Variants in SLC8A1 observed in about 807,000 individuals in gnomAD.
SLC8A1 encodes solute carrier family 8 member A1.
Under a neutral mutation model 68.3 loss-of-function variants are expected in SLC8A1, and 18 were observed. The observed-to-expected ratio is 0.26, with a 90% CI of 0.18 to 0.39. The LOEUF (loss-of-function observed/expected upper bound fraction) is 0.39, where lower values mean the gene tolerates loss of function less well. Ranked by LOEUF, SLC8A1 falls within the 10% of genes least tolerant of loss-of-function variation. The pLI is 1.00. For missense variants in SLC8A1, 985 were observed against 1,156.7 expected (o/e 0.85, Z 2.15); for synonymous variants, 475 against 415.5 (o/e 1.14, Z -1.74).
intron 1 of SLC8A1, among the ~76,000 whole-genome samples, chr2:40,434,010 CT>C (rs1349925805): frequency 1.3e-5 from 2 of 152,178 alleles, no homozygotes; most frequent in East Asian, 3.9e-4. Context: ...TCAATCTGGT[CT>C]TTTAGCAATT....
intron 7 of SLC8A1, among the ~76,000 whole-genome samples, chr2:40,119,997 C>T (rs2036415907): frequency 6.6e-6 from 1 of 152,188 alleles, no homozygotes; most frequent in African/African-American, 2.4e-5. Flanking sequence ...ATCTGGTCAA[C>T]ATGCAAAAAT....
chr2:40,120,431 T>A (rs1338081389), intron 7 of SLC8A1, among the ~76,000 whole-genome samples: 1 of 152,234 alleles, frequency 6.6e-6, no homozygotes, highest in African/African-American at 2.4e-5. Context: ...GACTCTCGGC[T>A]CTTCCAACTG....
chr2:40,376,440 C>T (rs1679885421), intron 2 of SLC8A1, among the ~76,000 whole-genome samples: 1 of 152,096 alleles, frequency 6.6e-6, no homozygotes, highest in African/African-American at 2.4e-5. Flanking sequence ...GAACCTTCCA[C>T]ATTTGTTTAC....
intron 2 of SLC8A1, among the ~76,000 whole-genome samples, chr2:40,207,395 A>G (rs1053804842): frequency 1.3e-5 from 2 of 152,040 alleles, no homozygotes; most frequent in Non-Finnish European, 2.9e-5. Context: ...CTGAATGGCA[A>G]TATATTGGAT....
chr2:40,323,555 G>A (rs143666110), intron 2 of SLC8A1, among the ~76,000 whole-genome samples: 32 of 151,948 alleles, frequency 2.1e-4, no homozygotes, highest in African/African-American at 6.8e-4. Context: ...CACTCATTCC[G>A]TAAATATTTG....
intron 2 of SLC8A1, among the ~76,000 whole-genome samples, chr2:40,377,905 T>G (rs1575842218): frequency 1.3e-5 from 2 of 152,272 alleles, no homozygotes; most frequent in East Asian, 3.9e-4. Context: ...CAAAATGTTT[T>G]TATTTCACCC....
At chr2:40,259,054 G>A (rs2064336851) in intron 2 of SLC8A1, among the ~76,000 whole-genome samples, 1 of 152,100 alleles carries the variant, frequency 6.6e-6, no homozygotes, top group Non-Finnish European at 1.5e-5. Context: ...CAGTGAGACA[G>A]GTGTGAGGGT....
chr2:40,499,270 C>A (rs77832793), intron 1 of SLC8A1, among the ~76,000 whole-genome samples: 3,583 of 152,146 alleles, frequency 0.024, 49 homozygotes, highest in Middle Eastern at 0.054. Flanking sequence ...ACTTTTCTAG[C>A]TCTACTGTAA....
exon 8 of SLC8A1, chr2:40,099,509 A>G (rs2033771236): frequency 6.6e-6 from 1 of 152,088 alleles, no homozygotes; most frequent in African/African-American, 2.4e-5. Flanking sequence ...TCATTTTTCA[A>G]GGTAACATCT....
At chr2:40,398,684 T>G (rs547132881) in intron 2 of SLC8A1, among the ~76,000 whole-genome samples, 5 of 152,348 alleles carry the variant, frequency 3.3e-5, no homozygotes, top group African/African-American at 1.2e-4. Context: ...TAATTATTCA[T>G]TTGAAACATT....
intron 1 of SLC8A1, among the ~76,000 whole-genome samples, chr2:40,463,833 C>CAT (rs1703481002): frequency 8.0e-5 from 9 of 112,040 alleles, no homozygotes; most frequent in African/African-American, 2.9e-4. Context: ...CATACACACA[C>CAT]ACACATACAC....
intron 2 of SLC8A1, among the ~76,000 whole-genome samples, chr2:40,193,607 A>G (rs2052328171): frequency 6.6e-6 from 1 of 152,110 alleles, no homozygotes; most frequent in Admixed American, 6.6e-5. Flanking sequence ...GTCAAGAAAG[A>G]GAGCTTGGAG....
chr2:40,284,200 T>C (rs1392223024), intron 2 of SLC8A1, among the ~76,000 whole-genome samples: 1 of 151,640 alleles, frequency 6.6e-6, no homozygotes, highest in Non-Finnish European at 1.5e-5. Flanking sequence ...TCTATACCAA[T>C]ATATCTCTAT....
chr2:40,233,234 A>G (rs1040383629), intron 2 of SLC8A1, among the ~76,000 whole-genome samples: 1 of 152,102 alleles, frequency 6.6e-6, no homozygotes, highest in Non-Finnish European at 1.5e-5. Context: ...AAGTGTTCCT[A>G]TTTCTCCACA....
chr2:40,334,252 A>G (rs1181161016), intron 2 of SLC8A1, among the ~76,000 whole-genome samples: 1 of 152,162 alleles, frequency 6.6e-6, no homozygotes, highest in Non-Finnish European at 1.5e-5. Flanking sequence ...GTCCAATGTG[A>G]TGTTATCAAT....
intron 2 of SLC8A1, among the ~76,000 whole-genome samples, chr2:40,337,519 G>T (rs1487891411): frequency 6.6e-6 from 1 of 152,170 alleles, no homozygotes; most frequent in Non-Finnish European, 1.5e-5. Flanking sequence ...ACTCAGCAAT[G>T]CAATGGTAGT....
chr2:40,341,991 C>A (rs17025840), intron 2 of SLC8A1, among the ~76,000 whole-genome samples: 3,769 of 152,190 alleles, frequency 0.025, 66 homozygotes, highest in Non-Finnish European at 0.036. Context: ...GGTAGCATGA[C>A]CTTTCAGCAT....
At chr2:40,250,971 A>T (rs2062651621) in intron 2 of SLC8A1, 1 of 152,176 alleles carries the variant, frequency 6.6e-6, no homozygotes, top group Non-Finnish European at 1.5e-5. Context: ...CAGCTATCAA[A>T]TGAAGGCGTC....
rs569673325 is a variant in SLC8A1 at position 40,186,808 on chromosome 2, C to A, written c.1809-8953G>T. Among the ~76,000 whole-genome samples the A allele has an allele frequency of 2.0e-4, 30 of 152,280 alleles. 2 individuals carry two copies. In the South Asian group the frequency reaches 6.0e-3, roughly 31 times the overall value. ...AATCTATCAAATGAAGATAATAGAA[C>A]TTACTTCACAGTGATTATGATGTTC... is the stretch of plus-strand genomic sequence containing the variant. On this transcript the variant is annotated intron_variant, in intron 2 of 7. Coordinates refer to ENST00000406785, the Ensembl canonical transcript of SLC8A1.
Sources: gnomAD v4.1 joint callset for allele counts (sites outside exome capture counted in the v4.1 genomes callset) on GRCh38, gnomAD v4.1.1 for gene constraint, MANE v1.5 for transcripts, NCBI Gene and HGNC (gene_info 2026-07-23, HGNC 2026-07-21) for gene names.